RAB38: variants seen among roughly 807,000 people sequenced by gnomAD.
RAB38 encodes RAB38, member RAS oncogene family.
In RAB38, 15 loss-of-function variants were observed where a neutral mutation model predicts 18.4. The ratio of observed to expected loss-of-function variants is 0.82; its 90% CI spans 0.55 to 1.26. The LOEUF is 1.26. Among genes scored for constraint, RAB38 ranks in the 50% most tolerant of loss-of-function variants. The pLI, the probability that RAB38 is intolerant of heterozygous loss-of-function variation, is 0.00. For synonymous variants in RAB38, 101 were observed against 104.4 expected (o/e 0.97, Z 0.20); for missense variants, 294 against 267.4 (o/e 1.10, Z -0.69).
chr11:87,804,741 G>T, the RAB38 span, among the ~76,000 whole-genome samples: 61 of 152,134 alleles, frequency 4.0e-4, no homozygotes, highest in Non-Finnish European at 6.9e-4. Context: ...ATACTTCAAA[G>T]TTGAAGGCCA....
At chr11:87,976,396 CATATTTAT>C in the RAB38 span, among the ~76,000 whole-genome samples, 5,997 of 135,780 alleles carry the variant, frequency 0.044, 201 homozygotes, top group African/African-American at 0.096. Flanking sequence ...TATATATACA[CATATTTAT>C]ATATTTATAT....
At chr11:87,971,746 C>A in the RAB38 span, among the ~76,000 whole-genome samples, 13,837 of 152,044 alleles carry the variant, frequency 0.091, 700 homozygotes, top group Middle Eastern at 0.15. Flanking sequence ...GAAGAATAAG[C>A]TTAAATAAAA....
chr11:88,143,826 C>A (rs1256615233), intron 2 of RAB38, among the ~76,000 whole-genome samples: 1 of 152,188 alleles, frequency 6.6e-6, no homozygotes, highest in Non-Finnish European at 1.5e-5. Context: ...TCGTTCATTT[C>A]TATTCTCCTA....
At chr11:88,140,871 G>A (rs933487833) in intron 2 of RAB38, among the ~76,000 whole-genome samples, 1 of 152,158 alleles carries the variant, frequency 6.6e-6, no homozygotes. Flanking sequence ...TGGATGTAGG[G>A]TCTCCAAATT....
chr11:87,954,254 C>T, the RAB38 span, among the ~76,000 whole-genome samples: 1 of 152,266 alleles, frequency 6.6e-6, no homozygotes, highest in South Asian at 2.1e-4. Flanking sequence ...CCCTGCTGAA[C>T]TCAGGGGTGA....
the RAB38 span, among the ~76,000 whole-genome samples, chr11:87,873,861 G>GGT: frequency 3.5e-4 from 49 of 139,604 alleles, no homozygotes; most frequent in Middle Eastern, 7.3e-3. Flanking sequence ...AGTGTATAGG[G>GGT]GTGTGTGTGT....
chr11:87,931,894 C>T, the RAB38 span, among the ~76,000 whole-genome samples: 1 of 151,498 alleles, frequency 6.6e-6, no homozygotes, highest in East Asian at 2.0e-4. Context: ...GCAGAAGGGG[C>T]CAGGGAGTAA....
chr11:88,037,133 T>C, the RAB38 span, among the ~76,000 whole-genome samples: 5,836 of 152,164 alleles, frequency 0.038, 142 homozygotes, highest in Middle Eastern at 0.068. Flanking sequence ...TTGAATTCTT[T>C]ATCATTTTAT....
the RAB38 span, among the ~76,000 whole-genome samples, chr11:88,035,310 C>T: frequency 6.6e-6 from 1 of 152,016 alleles, no homozygotes; most frequent in Non-Finnish European, 1.5e-5. Context: ...AGTCTTGTAC[C>T]TGCTTCTTTG....
In RAB38 at chr11:88,151,415, CTCTG is replaced by C. The variant is rs35472839; in HGVS notation, c.203-1464_203-1461del. ...ATGAACAAAATCCTACTACTTCTAA[CTCTG>C]TCTATTAATGGTTGCTGAAGACAGG... is the stretch of plus-strand genomic sequence containing the variant. On this transcript the variant is annotated intron_variant, in intron 1 of 2. Coordinates refer to ENST00000243662, the MANE Select transcript of RAB38 (RefSeq NM_022337.3). 5.5e-3 allele frequency among the ~76,000 whole-genome samples: 832 copies of C among 152,312 alleles called. 2 individuals carry two copies. The highest frequency in any genetic ancestry group is 9.6e-3 in the Non-Finnish European group (652 of 68,030).
chr11:87,808,501 TAGA>T, the RAB38 span, among the ~76,000 whole-genome samples: 1 of 152,140 alleles, frequency 6.6e-6, no homozygotes, highest in African/African-American at 2.4e-5. Context: ...GTTGATCTCA[TAGA>T]AGAAGGAAGA....
chr11:88,164,721 A>G (rs1943228383), intron 1 of RAB38, among the ~76,000 whole-genome samples: 1 of 152,096 alleles, frequency 6.6e-6, no homozygotes, highest in African/African-American at 2.4e-5. Context: ...CTTTTGGCCT[A>G]GAGGCACAAT....
the RAB38 span, among the ~76,000 whole-genome samples, chr11:87,891,718 T>C: frequency 8.6e-5 from 13 of 151,990 alleles, no homozygotes; most frequent in East Asian, 2.3e-3. Flanking sequence ...ATATGTTATG[T>C]GTATCAAGAA....
chr11:87,927,676 T>C, the RAB38 span, among the ~76,000 whole-genome samples: 1 of 152,044 alleles, frequency 6.6e-6, no homozygotes. Flanking sequence ...TTTAAAATTG[T>C]CTTCAAATCC....
the RAB38 span, among the ~76,000 whole-genome samples, chr11:88,057,938 A>C: frequency 9.4e-4 from 143 of 152,318 alleles, 1 homozygote; most frequent in Non-Finnish European, 5.9e-5. Context: ...ACAAATGAAA[A>C]AAAATTGCTT....
Position 88,153,112 on chromosome 11 carries a change from T to G in RAB38, c.203-3157A>C, listed in dbSNP as rs35049985. Among the ~76,000 whole-genome samples, 855 of 152,340 alleles carry G rather than the reference T, an allele frequency of 5.6e-3. 5 individuals carry two copies. The highest frequency in any genetic ancestry group is 0.02 in the African/African-American group (815 of 41,570). ...AATCTCACAGCAGAAGACACCAACT[T>G]GAAAAGTCAGAAGGCATGGTCTTAA... On this transcript the variant is annotated intron_variant, in intron 1 of 2. Coordinates refer to ENST00000243662, the MANE Select transcript of RAB38 (RefSeq NM_022337.3).
At chr11:88,167,733 T>C (rs1306741322) in intron 1 of RAB38, 2 of 152,122 alleles carry the variant, frequency 1.3e-5, no homozygotes, top group African/African-American at 4.8e-5. Flanking sequence ...CCTGAACAGC[T>C]GAAAAAATGA....
chr11:88,052,901 C>CATATAT, the RAB38 span, among the ~76,000 whole-genome samples: 274 of 21,292 alleles, frequency 0.013, 3 homozygotes, highest in Middle Eastern at 0.038. Context: ...GAAAAAATTT[C>CATATAT]ATATATATAT....
At chr11:87,935,945 A>G in the RAB38 span, among the ~76,000 whole-genome samples, 2 of 152,098 alleles carry the variant, frequency 1.3e-5, no homozygotes, top group South Asian at 2.1e-4. Context: ...TGCTATCTGT[A>G]TCTTGGTGAA....
Sources: gnomAD v4.1 joint callset for allele counts (sites outside exome capture counted in the v4.1 genomes callset) on GRCh38, gnomAD v4.1.1 for gene constraint, MANE v1.5 for transcripts, NCBI Gene and HGNC (gene_info 2026-07-23, HGNC 2026-07-21) for gene names.